The following WDR81 variants were observed in gnomAD, a reference collection of about 807,000 sequenced individuals.
WDR81 encodes the protein WD repeat-containing protein 81.
WDR81 carries 92 observed loss-of-function variants against 140.8 expected under a neutral mutation model. The ratio of observed to expected loss-of-function variants is 0.65; its 90% confidence interval spans 0.55 to 0.78. The LOEUF (loss-of-function observed/expected upper bound fraction) is 0.78. WDR81 is among the 30% of genes least tolerant of loss of function. The pLI, the probability that WDR81 is intolerant of heterozygous loss-of-function variation, is 0.00. For synonymous variants in WDR81, 1,183 were observed against 1,156.4 expected (o/e 1.02, Z -0.47); for missense variants, 2,502 against 2,636.4 (o/e 0.95, Z 1.12).
intron 4 of WDR81, 130 bp downstream of exon 4, chr17:1,731,388 T>C: frequency 8.7e-7 from 1 of 1,144,776 alleles, no homozygotes; most frequent in Non-Finnish European, 1.2e-6. Flanking sequence ...TGATCCCGGC[T>C]GTGTGACCCT....
Position 1,735,705 on chromosome 17 carries a change from G to A in WDR81, c.5313G>A (p.Lys1771=), listed in dbSNP as rs771112974. The change falls in exon 8 of 10, where the codon AAG becomes AAA. Residue 1771 remains lysine (K), a synonymous_variant. Transcript: ENST00000409644. This position sits in a 1 kb window ranked among gnomAD's most constrained non-coding sequence, Gnocchi z 4.2. ...CCCTGCGCTTTGTGGACTGCAGGAA[G>A]CCTGGTCTGCAGGTCAGGGGGGTCC... is the stretch of plus-strand genomic sequence containing the variant. ...DSTLRFVDCR[K]PGLQHEFRLG... is the part of the protein sequence containing the mutation. 1 of 1,612,438 alleles carries A rather than the reference G, an allele frequency of 6.2e-7. No homozygotes were observed. Among genetic ancestry groups the A allele is most frequent in the Non-Finnish European group, 8.5e-7 (1 of 1,179,616 alleles).
rs1441948731 is a variant in WDR81, at chr17:1,735,645, C to G, written c.5253C>G (p.Pro1751=). The part of the protein sequence containing the change: ...PLTAVAVMPA[P]HTSITMASSD... ...CTGCGGTGGCTGTCATGCCCGCCCC[C>G]CACACCAGCATCACCATGGCCAGCT... Residue 1751 remains proline (P), a synonymous_variant, in exon 8 of 10, where the codon CCC becomes CCG. Coordinates refer to ENST00000409644, the MANE Select transcript of WDR81 (RefSeq NM_001163809.2). The surrounding 1 kb of genome is among the most constrained non-coding windows in gnomAD (Gnocchi z 4.2). 1 of 1,612,954 alleles carries G rather than the reference C, an allele frequency of 6.2e-7. No individual in the cohort carries two copies. Among genetic ancestry groups the G allele is most frequent in the South Asian group, 1.1e-5 (1 of 91,080 alleles).
chr17:1,722,519 G>T (rs1914922728), upstream of WDR81, among the ~76,000 whole-genome samples: 2 of 150,286 alleles, frequency 1.3e-5, no homozygotes, highest in Non-Finnish European at 3.0e-5. Context: ...GCTAATTTTT[G>T]TATTTTAGTA....
chr17:1,732,653 G>A lies in WDR81; in HGVS notation c.4324-13G>A, dbSNP rs1433270891. 7 of 1,593,216 alleles carry A rather than the reference G, an allele frequency of 4.4e-6. No individual in the cohort carries two copies. The East Asian group carries it at 1.3e-4, about 31-fold the overall frequency. The stretch of plus-strand genomic sequence containing the variant: ...TGTGGACCCGGCTGACCCCCTGGGT[G>A]TCTTGCTCATAGGATCTGAAGCTGG... On this transcript the variant is annotated splice_polypyrimidine_tract_variant and intron_variant, in intron 5 of 9. Transcript: ENST00000409644.
chr17:1,737,794 G>A lies in WDR81; in HGVS notation c.*109G>A, dbSNP rs988900046. On this transcript the variant is annotated 3_prime_UTR_variant, in exon 10 of 10. Coordinates refer to ENST00000409644, the MANE Select transcript of WDR81 (RefSeq NM_001163809.2). Reference sequence around the variant, plus strand: ...CCTCCAGGGAGGCCCTGGGTCCCACGCCCTGGGTGCCCACATGGCCTGCCA... The same window carrying A: ...CCTCCAGGGAGGCCCTGGGTCCCACACCCTGGGTGCCCACATGGCCTGCCA... 3.9e-5 allele frequency: 53 copies of A among 1,359,466 alleles called. 1 individual carries two copies. The highest frequency in any genetic ancestry group is 7.5e-5 in the East Asian group (3 of 39,856). The allele number at this position is 1,359,466 out of a possible 1,614,324, so 84.2% of individuals were successfully genotyped here.
In WDR81 at chr17:1,716,852, T is replaced by C. The variant is rs1914592910; in HGVS notation, c.-124+219T>C. On this transcript the variant is annotated intron_variant, in intron 1 of 10. Transcript: ENST00000309182. The stretch of plus-strand genomic sequence containing the variant: ...GCCCCCAGGGCAGCAGAGACTGCCG[T>C]TGGAGAGCTCTCCAGGGTTTTTGGA... 1.3e-4 allele frequency: 76 copies of C among 607,808 alleles called. 2 individuals are homozygous for C. The South Asian group carries it at 1.4e-3, about 11-fold the overall frequency. 37.7% of individuals were successfully genotyped at this position (607,808 alleles called of 1,614,324 possible). A position where few individuals can be genotyped will look rare whatever the true frequency, so the allele number is the denominator to read the frequency against.
At position 1,726,322 on chromosome 17, in the gene WDR81, G is replaced by A; in HGVS notation, c.1363G>A (p.Ala455Thr). 1 of 1,544,334 alleles carries A rather than the reference G, an allele frequency of 6.5e-7. No homozygotes were observed. The highest frequency in any genetic ancestry group is 8.8e-7 in the Non-Finnish European group (1 of 1,142,710). ...CGACATCACGTACTATGTGTACAAG[G>A]CTCGGCGCACGCCTCGGTCGGTGCT... is the stretch of plus-strand genomic sequence containing the variant. ...LSDITYYVYK[A>T]RRTPRSVLCG... Residue 455 changes from alanine to threonine, a missense_variant, in exon 1 of 10, where the codon GCT (alanine) becomes ACT (threonine). By Grantham distance (58) the Ala-to-Thr change is moderately conservative. This residue lies in a region of WDR81 where 218 missense variants were observed against 279.6 expected (regional missense o/e 0.78). Coordinates refer to ENST00000409644, the MANE Select transcript of WDR81 (RefSeq NM_001163809.2).
At position 1,727,371 on chromosome 17, in the gene WDR81, A is replaced by C; in HGVS notation, c.2412A>C (p.Arg804=). ...TGTGGGTACGCTTCCAGGCTGTCCG[A>C]GGGCTCTGCACGCGCCACCCCAAGG... ...APLWVRFQAV[R]GLCTRHPKEV... is the part of the protein sequence containing the mutation. Residue 804 remains arginine (R), a synonymous_variant, in exon 1 of 10, where the codon CGA becomes CGC. Coordinates refer to ENST00000409644, the MANE Select transcript of WDR81 (RefSeq NM_001163809.2). 6.5e-7 allele frequency: 1 copy of C among 1,550,164 alleles called. No homozygotes were observed. The highest frequency in any genetic ancestry group is 8.7e-7 in the Non-Finnish European group (1 of 1,146,976).
In WDR81 at chr17:1,726,516, C is replaced by T. The variant is rs1178315446; in HGVS notation, c.1557C>T (p.Ser519=). Residue 519 remains serine, a synonymous_variant, in exon 1 of 10, where the codon AGC becomes AGT. Coordinates refer to ENST00000409644, the MANE Select transcript of WDR81 (RefSeq NM_001163809.2). ...ACCTGGATGTGCCAGCCTGGTGCAG[C>T]TCCAGCCAGGAGTTCGTAGCTGCCC... ...MPDLDVPAWC[S]SSQEFVAAHR... is the part of the protein sequence containing the mutation. The T allele has an allele frequency of 1.9e-6, 3 of 1,550,352 alleles. No homozygotes were observed. The highest frequency in any genetic ancestry group is 2.0e-5 in the Admixed American group (1 of 50,970).
rs371206665 is a variant in WDR81, at chr17:1,731,250, C to T, written c.4149C>T (p.Leu1383=). Reference sequence around the variant, plus strand: ...CCGTGCTCAGCTTCCTCACCTCCCTCGTCACGGGGTAGGCCTCTGCCCCAG... The same window carrying T: ...CCGTGCTCAGCTTCCTCACCTCCCTTGTCACGGGGTAGGCCTCTGCCCCAG... ...LLPVLSFLTS[L]VTGFPSGAQA... Residue 1383 remains leucine, a synonymous_variant, in exon 4 of 10, where the codon CTC becomes CTT. Transcript: ENST00000409644. 5.1e-5 allele frequency: 83 copies of T among 1,612,924 alleles called. No homozygotes were observed. Among genetic ancestry groups the T allele is most frequent in the Admixed American group, 3.3e-4 (20 of 59,966 alleles).
chr17:1,723,455 A>T (rs7219720), upstream of WDR81, among the ~76,000 whole-genome samples: 1,270 of 113,654 alleles, frequency 0.011, 19 homozygotes, highest in African/African-American at 0.031. Flanking sequence ...TTATTTATTT[A>T]TTTTTATTTA....
chr17:1,725,362 C>T lies in WDR81; in HGVS notation c.403C>T (p.Leu135Phe), dbSNP rs1169314408. 2 of 1,549,458 alleles carry T rather than the reference C, an allele frequency of 1.3e-6. No homozygotes were observed. Among genetic ancestry groups the T allele is most frequent in the Admixed American group, 3.9e-5 (2 of 51,016 alleles). The change falls in exon 1 of 10, where the codon CTC (leucine) becomes TTC (phenylalanine). Residue 135 changes from leucine (L) to phenylalanine (F), a missense_variant. By Grantham distance (22) the Leu-to-Phe change is conservative. This residue lies in a region of WDR81 where 547 missense variants were observed against 513.8 expected (regional missense o/e 1.06). Coordinates refer to ENST00000409644, the MANE Select transcript of WDR81 (RefSeq NM_001163809.2). Reference protein sequence around the residue: ...FEDGSCGPETLTRFMQEVAAQ... With the variant: ...FEDGSCGPETFTRFMQEVAAQ... Reference sequence around the variant, plus strand: ...GGACGGGTCCTGCGGCCCTGAGACCCTCACTCGCTTCATGCAGGAGGTTGC... The same window carrying T: ...GGACGGGTCCTGCGGCCCTGAGACCTTCACTCGCTTCATGCAGGAGGTTGC...
rs529879679 is a variant in WDR81 at position 1,736,024 on chromosome 17, G to T, written c.5326-15G>T. The stretch of plus-strand genomic sequence containing the variant: ...GGGAAGGTGGTGCCTCAGCTCAGCC[G>T]CCCTCTCCCTGCAGCACGAGTTCCG... On this transcript the variant is annotated splice_polypyrimidine_tract_variant and intron_variant, in intron 8 of 9. Transcript: ENST00000409644. 2.5e-6 allele frequency: 4 copies of T among 1,580,988 alleles called. No homozygotes were observed. In the African/African-American group the frequency reaches 4.0e-5, roughly 16 times the overall value.
intron 6 of WDR81, 71 bp downstream of exon 6, chr17:1,732,902 C>T (rs563301410): frequency 1.3e-5 from 20 of 1,524,550 alleles, no homozygotes; most frequent in Middle Eastern, 3.5e-4. Context: ...CCATTCTCTG[C>T]CCTTGCCCCA....
In WDR81 at chr17:1,735,521, C is replaced by T; in HGVS notation, c.5180-51C>T. On this transcript the variant is annotated intron_variant, in intron 7 of 9. Transcript: ENST00000409644. The surrounding 1 kb of genome is among the most constrained non-coding windows in gnomAD (Gnocchi z 4.2). ...GTTGGGGGATTAGAAGCTCCCAGGG[C>T]TCTTCCGTCAGCTGCTGGGACCCCA... is the stretch of plus-strand genomic sequence containing the variant. 2 of 1,524,378 alleles carry T rather than the reference C, an allele frequency of 1.3e-6. No individual in the cohort carries two copies. 94.4% of individuals were successfully genotyped at this position (1,524,378 alleles called of 1,614,324 possible). A position where few individuals can be genotyped will look rare whatever the true frequency, so the allele number is the denominator to read the frequency against.
At chr17:1,722,753 T>C (rs1301498528), upstream of WDR81, among the ~76,000 whole-genome samples, 69 of 147,284 alleles carry the variant, frequency 4.7e-4, no homozygotes, top group Non-Finnish European at 3.0e-5. Flanking sequence ...AGTGCAGTGG[T>C]GTGATCTCAG....
intron 7 of WDR81, among the ~76,000 whole-genome samples, 167 bp downstream of exon 7, chr17:1,734,383 A>G (rs1245175649): frequency 6.6e-6 from 1 of 152,228 alleles, no homozygotes; most frequent in Non-Finnish European, 1.5e-5. Context: ...TTGAGTCTGA[A>G]TTGGCTCCAC....
In WDR81 at chr17:1,735,192, G is replaced by A. The variant is rs1449020272; in HGVS notation, c.5180-380G>A. 1.3e-5 allele frequency among the ~76,000 whole-genome samples: 2 copies of A among 152,170 alleles called. No individual in the cohort carries two copies. The highest frequency in any genetic ancestry group is 2.9e-5 in the Non-Finnish European group (2 of 68,018). On this transcript the variant is annotated intron_variant, in intron 7 of 9. Coordinates refer to ENST00000409644, the MANE Select transcript of WDR81 (RefSeq NM_001163809.2). The surrounding 1 kb of genome is among the most constrained non-coding windows in gnomAD (Gnocchi z 4.2). ...CGCCTGTAATCCCAGCACTTTGGGA[G>A]GCCAAAGTGGGTGGATCATGAGGTC...
At chr17:1,722,762 A>G (rs1269542844), upstream of WDR81, among the ~76,000 whole-genome samples, 72 of 139,242 alleles carry the variant, frequency 5.2e-4, no homozygotes, top group Non-Finnish European at 3.1e-5. Context: ...GTGTGATCTC[A>G]GCTCACTGCA....
Sources: allele counts gnomAD v4.1 joint callset (sites outside exome capture counted in the v4.1 genomes callset), GRCh38; gene constraint gnomAD v4.1.1; regional missense constraint gnomAD v4.1.1; non-coding constraint Gnocchi (gnomAD v3.1); transcripts MANE v1.5; gene names NCBI Gene and HGNC (gene_info 2026-07-23, HGNC 2026-07-21).